Variants in PLCG2 observed in about 807,000 individuals in gnomAD.
The protein encoded by PLCG2 is phospholipase C gamma 2, also known as 1-phosphatidylinositol 4,5-bisphosphate phosphodiesterase gamma-2.
A neutral mutation model predicts 175.6 loss-of-function variants in PLCG2; 69 were observed. The observed-to-expected ratio is 0.39, with a 90% CI of 0.32 to 0.48. The LOEUF is 0.48. Ranked by LOEUF, PLCG2 falls within the 20% of genes least tolerant of loss-of-function variation. The pLI, the probability that PLCG2 is intolerant of heterozygous loss-of-function variation, is 0.91. For synonymous variants in PLCG2, 827 were observed against 624.0 expected (o/e 1.33, Z -4.85); for missense variants, 1,798 against 1,650.9 (o/e 1.09, Z -1.54).
chr16:81,787,653 C>T (rs1276310914), intron 2 of PLCG2, among the ~76,000 whole-genome samples: 1 of 151,602 alleles, frequency 6.6e-6, no homozygotes. Context: ...TATAAATGTG[C>T]AAGCACCACT....
At chr16:81,799,919 G>A (rs1285034841) in intron 2 of PLCG2, among the ~76,000 whole-genome samples, 1 of 152,158 alleles carries the variant, frequency 6.6e-6, no homozygotes, top group African/African-American at 2.4e-5. Context: ...AAATGTCGAT[G>A]TTGGTTTAAA....
intron 2 of PLCG2, among the ~76,000 whole-genome samples, chr16:81,757,962 T>C (rs1057298018): frequency 6.6e-6 from 1 of 151,846 alleles, no homozygotes; most frequent in African/African-American, 2.4e-5. Flanking sequence ...GTGCTGTCGT[T>C]ATTGTTGCTG....
intron 2 of PLCG2, among the ~76,000 whole-genome samples, chr16:81,756,778 G>A (rs1909937950): frequency 6.6e-6 from 1 of 152,190 alleles, no homozygotes; most frequent in Non-Finnish European, 1.5e-5. Flanking sequence ...CTGCGTTTGA[G>A]CCTAGATGTG....
intron 2 of PLCG2, among the ~76,000 whole-genome samples, chr16:81,833,930 C>G (rs980563005): frequency 6.6e-6 from 1 of 152,208 alleles, no homozygotes; most frequent in African/African-American, 2.4e-5. Context: ...AGAGGCTTAC[C>G]TGACTTCAAA....
intron 5 of PLCG2, among the ~76,000 whole-genome samples, chr16:81,861,493 C>G (rs947168431): frequency 6.6e-6 from 1 of 152,224 alleles, no homozygotes; most frequent in Non-Finnish European, 1.5e-5. Flanking sequence ...TTAGCTCACT[C>G]CATGTTTTTC....
chr16:81,904,027 C>T (rs766710983), intron 14 of PLCG2, among the ~76,000 whole-genome samples: 5 of 152,174 alleles, frequency 3.3e-5, no homozygotes, highest in East Asian at 1.9e-4. Context: ...CAGCCCTTGC[C>T]CACTTTACAG....
At chr16:81,832,524 G>A (rs1439145176) in intron 2 of PLCG2, among the ~76,000 whole-genome samples, 1 of 152,130 alleles carries the variant, frequency 6.6e-6, no homozygotes, top group African/African-American at 2.4e-5. Context: ...CAGGTAGCTG[G>A]GACTACTGAT....
In PLCG2 at chr16:81,875,044, A is replaced by T. The variant is rs183657454; in HGVS notation, c.648+4109A>T. Among the ~76,000 whole-genome samples the T allele has an allele frequency of 5.3e-4, 77 of 145,156 alleles. No homozygotes were observed. The East Asian group carries it at 0.015, about 28-fold the overall frequency. On this transcript the variant is annotated intron_variant, in intron 7 of 32. Transcript: ENST00000564138. ...AATGGCACGATCTTGATTCACTGCAACCTCTTCCTTCCGGGTTCAAGCGAT... is the reference window on the plus strand; with the variant it reads ...AATGGCACGATCTTGATTCACTGCATCCTCTTCCTTCCGGGTTCAAGCGAT...
At chr16:81,777,043 G>T (rs1332694887), upstream of PLCG2, among the ~76,000 whole-genome samples, 1 of 152,134 alleles carries the variant, frequency 6.6e-6, no homozygotes, top group Non-Finnish European at 1.5e-5. Flanking sequence ...AAAGCAAACT[G>T]CCATTTACGA....
rs1333994781 is a variant in PLCG2 at position 81,900,602 on chromosome 16, C to T, written c.1194-10C>T. On this transcript the variant is annotated splice_polypyrimidine_tract_variant and intron_variant, in intron 13 of 32. Transcript: ENST00000564138. ...CCCCTGCCGAGCTGCCCACCCTCTT[C>T]TGCCTGCAGCTTCCCAGTGATCCTG... is the stretch of plus-strand genomic sequence containing the variant. The T allele has an allele frequency of 4.4e-6, 7 of 1,583,442 alleles. No homozygotes were observed. In the African/African-American group the frequency reaches 5.4e-5, roughly 12 times the overall value.
At chr16:81,912,009 G>T (rs1298281198) in intron 18 of PLCG2, among the ~76,000 whole-genome samples, 2 of 152,050 alleles carry the variant, frequency 1.3e-5, no homozygotes, top group Non-Finnish European at 2.9e-5. Flanking sequence ...GTGTTAGCCA[G>T]GATGATCTCG....
chr16:81,775,510 A>T (rs1910379305), upstream of PLCG2, among the ~76,000 whole-genome samples: 1 of 152,070 alleles, frequency 6.6e-6, no homozygotes, highest in Non-Finnish European at 1.5e-5. Flanking sequence ...CCCCATGGGG[A>T]TGAGGGCTTT....
Position 81,760,021 on chromosome 16 carries a change from G to A in PLCG2, c.-48+4055G>A, listed in dbSNP as rs112446611. On this transcript the variant is annotated intron_variant, in intron 2 of 5. Coordinates refer to the PLCG2 transcript ENST00000565054. ...GGCGCCTGTAGTCCCAGCTGCTGGG[G>A]AGGCTGAGGCAGGAGAATGGCGTGA... Among the ~76,000 whole-genome samples, 121 of 152,334 alleles carry A rather than the reference G, an allele frequency of 7.9e-4. 1 individual carries two copies. The highest frequency in any genetic ancestry group is 2.7e-3 in the African/African-American group (114 of 41,580).
At chr16:81,827,187 T>TG (rs1363867731) in intron 2 of PLCG2, among the ~76,000 whole-genome samples, 2 of 129,430 alleles carry the variant, frequency 1.5e-5, no homozygotes, top group Middle Eastern at 4.0e-3. Context: ...AGAGGATTGC[T>TG]GGGTTTTTTT....
intron 18 of PLCG2, among the ~76,000 whole-genome samples, chr16:81,911,321 C>T (rs1909611279): frequency 6.6e-6 from 1 of 152,042 alleles, no homozygotes; most frequent in South Asian, 2.1e-4. Context: ...CCGAAAACAA[C>T]CCAAAACCTT....
rs1467617549 is a variant in PLCG2, at chr16:81,859,316, G to A, written c.479+153G>A. ...GGATGCCATGTTGGGTCCTGGGGTT[G>A]AGGATGACAAAATCCTCCTCCTGGA... On this transcript the variant is annotated intron_variant, in intron 5 of 32. Coordinates refer to ENST00000564138, the MANE Select transcript of PLCG2 (RefSeq NM_002661.5). The A allele has an allele frequency of 2.1e-5, 12 of 578,558 alleles. 1 individual carries two copies. The highest frequency in any genetic ancestry group is 2.5e-5 in the Non-Finnish European group (8 of 317,658). The allele number at this position is 578,558 out of a possible 1,614,324, so 35.8% of individuals were successfully genotyped here.
At chr16:81,918,137 A>C (rs1223872370) in intron 19 of PLCG2, among the ~76,000 whole-genome samples, 2 of 152,040 alleles carry the variant, frequency 1.3e-5, no homozygotes, top group Non-Finnish European at 2.9e-5. Context: ...TGTTTTTCCC[A>C]TTCTGTAGGT....
chr16:81,789,850 C>A (rs1035118349), intron 2 of PLCG2, among the ~76,000 whole-genome samples: 16 of 149,362 alleles, frequency 1.1e-4, no homozygotes, highest in Non-Finnish European at 1.8e-4. Flanking sequence ...CTTTGCCCCC[C>A]CTCCATTGCC....
chr16:81,937,974 G>T, intron 28 of PLCG2, 71 bp downstream of exon 28: 1 of 1,477,442 alleles, frequency 6.8e-7, no homozygotes, highest in Admixed American at 1.8e-5. Flanking sequence ...ATGCTGTCTT[G>T]AGAGCAGGGA....
Sources: allele counts gnomAD v4.1 joint callset (sites outside exome capture counted in the v4.1 genomes callset), GRCh38; gene constraint gnomAD v4.1.1; transcripts MANE v1.5; gene names NCBI Gene and HGNC (gene_info 2026-07-23, HGNC 2026-07-21).